The following SATL1 variants were observed in gnomAD, a reference collection of about 807,000 sequenced individuals.
The protein encoded by SATL1 is spermidine/spermine N(1)-acetyltransferase-like protein 1.
SATL1 carries 47 observed loss-of-function variants against 51.8 expected under a neutral mutation model. That is an observed-to-expected ratio of 0.91 (90% CI 0.72 to 1.16). The LOEUF (loss-of-function observed/expected upper bound fraction) is 1.16, where lower values mean the gene tolerates loss of function less well. Among genes scored for constraint, SATL1 ranks in the 50% most tolerant of loss-of-function variants. SATL1 has a pLI of 0.00. For missense variants in SATL1, 520 were observed against 526.4 expected, an observed-to-expected ratio of 0.99 and a Z score of 0.12; for synonymous variants, 176 against 182.4, an observed-to-expected ratio of 0.97 and a Z score of 0.28.
intron 2 of SATL1, among the ~76,000 whole-genome samples, chrX:85,201,642 G>A (rs2147750740): frequency 9.0e-6 from 1 of 110,854 alleles, no homozygotes; most frequent in African/African-American, 3.3e-5. Flanking sequence ...GTAGATCCCA[G>A]TGTCTTCTGC....
At chrX:85,095,317 A>G (rs1031428996) in intron 4 of SATL1, among the ~76,000 whole-genome samples, 4 of 110,974 alleles carry the variant, frequency 3.6e-5, no homozygotes, top group Non-Finnish European at 5.7e-5. Flanking sequence ...GTGACCAATA[A>G]ACCTCTTGTC....
intron 2 of SATL1, among the ~76,000 whole-genome samples, chrX:85,135,616 G>A (rs1404946649): frequency 1.9e-5 from 2 of 107,737 alleles, no homozygotes; most frequent in Non-Finnish European, 3.8e-5. Flanking sequence ...CTGTCACCCA[G>A]GCTGGAGTGC....
intron 2 of SATL1, among the ~76,000 whole-genome samples, chrX:85,135,759 T>TTTTTTTTTTTTTTTTTGAGA (rs1925938505): frequency 9.3e-6 from 1 of 108,022 alleles, no homozygotes; most frequent in Non-Finnish European, 1.9e-5. Context: ...TTTGTACTTT[T>TTTTTTTTTTTTTTTTTGAGA]CATAGAGATG....
At chrX:85,196,956 C>T (rs1338938941) in intron 2 of SATL1, among the ~76,000 whole-genome samples, 3 of 111,497 alleles carry the variant, frequency 2.7e-5, no homozygotes, top group Non-Finnish European at 5.7e-5. Context: ...AGATATGACA[C>T]AAAAGGCATA....
At chrX:85,183,186 A>T (rs758928259) in intron 2 of SATL1, among the ~76,000 whole-genome samples, 81 of 110,733 alleles carry the variant, frequency 7.3e-4, no homozygotes, top group Non-Finnish European at 1.3e-3. Context: ...TTATTTTTTT[A>T]ACTAGTATTT....
At position 85,197,021 on chromosome X, in the gene SATL1, G is replaced by A. The variant is rs146768763; in HGVS notation, c.-313+27184C>T. On this transcript the variant is annotated intron_variant, in intron 2 of 7. Coordinates refer to ENST00000644105, the MANE Select transcript of SATL1 (RefSeq NM_001367857.2). ...AAATGATCAAACTTTAAAATTTTGTGTTCAAAGGACATCACCAAGCAAGTA... is the reference window on the plus strand; with the variant it reads ...AAATGATCAAACTTTAAAATTTTGTATTCAAAGGACATCACCAAGCAAGTA... 6.2e-4 allele frequency among the ~76,000 whole-genome samples: 69 copies of A among 111,466 alleles called. No individual in the cohort carries two copies. In the East Asian group the frequency reaches 7.4e-3, roughly 12 times the overall value.
intron 2 of SATL1, among the ~76,000 whole-genome samples, chrX:85,139,553 C>A (rs1243229913): frequency 9.0e-6 from 1 of 111,016 alleles, no homozygotes; most frequent in Non-Finnish European, 1.9e-5. Context: ...TTTTCCTTTT[C>A]TGAGCAAGAA....
intron 2 of SATL1, among the ~76,000 whole-genome samples, chrX:85,198,976 T>C (rs112260166): frequency 0.076 from 8,343 of 109,470 alleles, 741 homozygotes; most frequent in African/African-American, 0.25. Flanking sequence ...TAGCTAGGAC[T>C]ACAGGCGCAC....
At chrX:85,160,088 A>C (rs1926686073) in intron 2 of SATL1, among the ~76,000 whole-genome samples, 2 of 110,900 alleles carry the variant, frequency 1.8e-5, no homozygotes, top group Non-Finnish European at 3.8e-5. Flanking sequence ...TTGGCCCCTT[A>C]CAATCTTCCA....
At chrX:85,166,917 A>G (rs927830996) in intron 2 of SATL1, among the ~76,000 whole-genome samples, 1 of 85,914 alleles carries the variant, frequency 1.2e-5, no homozygotes, top group Admixed American at 1.2e-4. Flanking sequence ...AAAATGGGGT[A>G]TATATATATA....
intron 4 of SATL1, among the ~76,000 whole-genome samples, chrX:85,099,602 A>G (rs1924836108): frequency 8.9e-6 from 1 of 111,799 alleles, no homozygotes; most frequent in Non-Finnish European, 1.9e-5. Flanking sequence ...ACATAAGAAT[A>G]TCAATTTAAT....
chrX:85,106,469 G>C (rs1438958827), intron 3 of SATL1, among the ~76,000 whole-genome samples: 2 of 111,907 alleles, frequency 1.8e-5, no homozygotes, highest in Non-Finnish European at 3.8e-5. Context: ...ATATTAGTGA[G>C]GATATTATTA....
rs1345185066 is a variant in SATL1, at chrX:85,224,283, ATCT to A, written c.-394_-392del. On this transcript the variant is annotated 5_prime_UTR_variant, in exon 2 of 8. The change creates a new upstream start codon in the 5' untranslated region. Coordinates refer to ENST00000644105, the MANE Select transcript of SATL1 (RefSeq NM_001367857.2). ...TGATCTCTGCCTCCCTTTTCACATC[ATCT>A]TCTCCTCTGTGTGTGTCTATGTCTC... is the stretch of plus-strand genomic sequence containing the variant. 5.7e-5 allele frequency: 6 copies of A among 105,414 alleles called. No homozygotes were observed. Among genetic ancestry groups the A allele is most frequent in the Non-Finnish European group, 1.2e-4 (6 of 50,515 alleles). 8.7% of individuals were successfully genotyped at this position (105,414 alleles called of 1,213,427 possible).
chrX:85,185,823 T>C (rs1927303567), intron 2 of SATL1, among the ~76,000 whole-genome samples: 1 of 110,677 alleles, frequency 9.0e-6, no homozygotes, highest in South Asian at 3.9e-4. Flanking sequence ...TCTACCCCCC[T>C]GTGGCCAAAG....
intron 2 of SATL1, among the ~76,000 whole-genome samples, chrX:85,181,865 TA>T (rs1927211421): frequency 8.9e-6 from 1 of 111,773 alleles, no homozygotes; most frequent in Admixed American, 9.5e-5. Context: ...AAATTCTTTT[TA>T]GCATGAAGCA....
chrX:85,219,654 T>A (rs1470296894), intron 2 of SATL1: 1 of 112,155 alleles, frequency 8.9e-6, no homozygotes, highest in Admixed American at 9.4e-5. Flanking sequence ...AAATATGTAA[T>A]TTCATTATGA....
chrX:85,150,594 G>T (rs1203085179), intron 2 of SATL1, among the ~76,000 whole-genome samples: 2 of 111,583 alleles, frequency 1.8e-5, no homozygotes, highest in East Asian at 5.6e-4. Context: ...GAATCCAGCA[G>T]CTCATCAAGA....
At chrX:85,233,790 C>T (rs67608573) in intron 1 of SATL1, among the ~76,000 whole-genome samples, 14,060 of 110,144 alleles carry the variant, frequency 0.13, 709 homozygotes, top group South Asian at 0.17. Flanking sequence ...GCATACAAGA[C>T]CTAGAAAATA....
chrX:85,224,768 C>CAAAAAAAA (rs58905613), intron 1 of SATL1, among the ~76,000 whole-genome samples: 10 of 59,712 alleles, frequency 1.7e-4, no homozygotes, highest in South Asian at 8.7e-4. Context: ...GAGTATATAT[C>CAAAAAAAA]AAAAAAAAAA....
Sources: gnomAD v4.1 joint callset for allele counts (sites outside exome capture counted in the v4.1 genomes callset) on GRCh38, gnomAD v4.1.1 for gene constraint, MANE v1.5 for transcripts, NCBI Gene and HGNC (gene_info 2026-07-23, HGNC 2026-07-21) for gene names.